ATP2C1: variants seen among roughly 807,000 people sequenced by gnomAD.
The protein encoded by ATP2C1 is calcium-transporting ATPase type 2C member 1.
In ATP2C1, 31 loss-of-function variants were observed where a neutral mutation model predicts 120.5. That is an observed-to-expected ratio of 0.26 (90% CI 0.19 to 0.35). The LOEUF (loss-of-function observed/expected upper bound fraction) is 0.35. ATP2C1 is among the 10% of genes least tolerant of loss of function. The probability of loss-of-function intolerance (pLI) is 1.00; values close to 1 mark genes in which losing one functional copy is unlikely to be tolerated. For missense variants in ATP2C1, 731 were observed against 1,107.5 expected, an observed-to-expected ratio of 0.66 and a Z score of 4.83; for synonymous variants, 351 against 358.7, an observed-to-expected ratio of 0.98 and a Z score of 0.24.
At chr3:130,949,606 A>G (rs1010813048) in intron 8 of ATP2C1, among the ~76,000 whole-genome samples, 9 of 152,118 alleles carry the variant, frequency 5.9e-5, no homozygotes, top group Non-Finnish European at 1.0e-4. Flanking sequence ...AACATTTTCA[A>G]TGTAGATGAA....
intron 16 of ATP2C1, among the ~76,000 whole-genome samples, chr3:130,968,754 G>A (rs909473095): frequency 6.6e-6 from 1 of 152,084 alleles, no homozygotes; most frequent in African/African-American, 2.4e-5. Context: ...TTGATATTTG[G>A]AAGATATTTT....
intron 17 of ATP2C1, among the ~76,000 whole-genome samples, chr3:130,970,407 C>CACACACACACACA (rs1559991359): frequency 3.4e-5 from 5 of 146,090 alleles, no homozygotes; most frequent in African/African-American, 1.3e-4. Context: ...CACACACACA[C>CACACACACACACA]CCTTAAACTT....
chr3:131,001,238 G>T lies in ATP2C1; in HGVS notation c.2648G>T (p.Gly883Val). 2.5e-6 allele frequency: 4 copies of T among 1,613,590 alleles called. No homozygotes were observed. The highest frequency in any genetic ancestry group is 3.4e-6 in the Non-Finnish European group (4 of 1,179,800). Residue 883 changes from glycine (G) to valine (V), a missense_variant, in exon 28 of 28, where the codon GGT becomes GTT. Coordinates refer to ENST00000510168, the MANE Select transcript of ATP2C1 (RefSeq NM_001378687.1). ...LSILDLLFLL[G>V]LTSSVCIVAE... is the part of the protein sequence containing the mutation. Reference sequence around the variant, plus strand: ...CTTGCAGATCTGTTGTTTCTTTTGGGTCTCACCTCATCAGTGTGCATAGTG... The same window carrying T: ...CTTGCAGATCTGTTGTTTCTTTTGGTTCTCACCTCATCAGTGTGCATAGTG...
intron 12 of ATP2C1, chr3:130,963,126 G>C (rs938841833): frequency 6.6e-6 from 1 of 151,954 alleles, no homozygotes; most frequent in African/African-American, 2.4e-5. Flanking sequence ...TATAAAAGGC[G>C]AGTGAAATAA....
chr3:130,933,171 G>T (rs1471533014), intron 4 of ATP2C1, among the ~76,000 whole-genome samples: 2 of 152,056 alleles, frequency 1.3e-5, no homozygotes, highest in African/African-American at 4.8e-5. Context: ...CTGCCCCTTG[G>T]GATTCCTGTG....
At chr3:130,858,530 G>A (rs1479675122) in intron 1 of ATP2C1, among the ~76,000 whole-genome samples, 2 of 152,116 alleles carry the variant, frequency 1.3e-5, no homozygotes, top group Non-Finnish European at 2.9e-5. Context: ...ACTGTCCTTT[G>A]CTGTATTTAT....
chr3:130,902,223 T>C (rs754894033), intron 2 of ATP2C1, among the ~76,000 whole-genome samples: 1 of 151,432 alleles, frequency 6.6e-6, no homozygotes, highest in East Asian at 1.9e-4. Flanking sequence ...CTTACCTTAC[T>C]TGATGAATAG....
chr3:130,998,413 A>G, intron 26 of ATP2C1, 24 bp downstream of exon 26: 2 of 1,468,916 alleles, frequency 1.4e-6, no homozygotes, highest in Non-Finnish European at 1.9e-6. Context: ...AACTTAGTTG[A>G]TTGACTTGAT....
intron 2 of ATP2C1, among the ~76,000 whole-genome samples, chr3:130,909,296 T>A (rs2058282643): frequency 6.6e-6 from 1 of 152,178 alleles, no homozygotes; most frequent in Admixed American, 6.5e-5. Context: ...CACCAACATC[T>A]CTCCTAGAAA....
intron 1 of ATP2C1, among the ~76,000 whole-genome samples, chr3:130,870,628 T>A (rs1031659402): frequency 6.6e-6 from 1 of 152,206 alleles, no homozygotes; most frequent in Non-Finnish European, 1.5e-5. Context: ...TGTTACTGAA[T>A]TGCTGCAATT....
upstream of ATP2C1, chr3:130,894,031 A>T: frequency 1.0e-6 from 1 of 986,408 alleles, no homozygotes; most frequent in Non-Finnish European, 1.2e-6. The surrounding 1 kb of genome is among the most constrained non-coding windows in gnomAD (Gnocchi z 4.5). Flanking sequence ...GCGGGGCGCG[A>T]CTGGGCGGCC....
Position 130,996,714 on chromosome 3 carries a change from A to C in ATP2C1, c.2161A>C (p.Thr721Pro), listed in dbSNP as rs1425027325. 1.9e-6 allele frequency: 3 copies of C among 1,611,804 alleles called. No homozygotes were observed. Among genetic ancestry groups the C allele is most frequent in the Non-Finnish European group, 1.7e-6 (2 of 1,178,036 alleles). ...IAALTLISLA[T>P]LMNFPNPLNA... ...AGCATTAACTTTAATCTCATTGGCT[A>C]CATTAATGAACTTTCCTAATCCTCT... Residue 721 changes from threonine to proline, a missense_variant, in exon 24 of 28, where the codon ACA (threonine) becomes CCA (proline). Physicochemically the swap from Thr to Pro is conservative, Grantham distance 38. Around this residue, in one of 3 missense-constraint regions of ATP2C1, gnomAD observed 19 missense variants for 60.0 expected, o/e 0.32. Transcript: ENST00000510168.
At chr3:130,864,507 T>C (rs1228673591) in intron 1 of ATP2C1, among the ~76,000 whole-genome samples, 1 of 152,170 alleles carries the variant, frequency 6.6e-6, no homozygotes, top group East Asian at 1.9e-4. Context: ...CTAATGATAA[T>C]CCCCAAGACC....
At chr3:130,946,745 T>C (rs1302420942) in intron 8 of ATP2C1, among the ~76,000 whole-genome samples, 1 of 152,208 alleles carries the variant, frequency 6.6e-6, no homozygotes, top group South Asian at 2.1e-4. Context: ...GGTATGCTTT[T>C]TCAAAAAAGA....
chr3:130,975,000 T>C (rs746990966), intron 17 of ATP2C1, among the ~76,000 whole-genome samples: 5 of 152,308 alleles, frequency 3.3e-5, no homozygotes, highest in Middle Eastern at 3.4e-3. Flanking sequence ...TAGTAGCTAA[T>C]AGAGAACTTG....
At chr3:131,014,412 G>T (rs369718268) in intron 26 of ATP2C1, 1 of 1,538,250 alleles carries the variant, frequency 6.5e-7, no homozygotes, top group East Asian at 2.3e-5. Flanking sequence ...AAAAAAGTAT[G>T]TTGTTAAAGA....
At chr3:130,972,318 C>T (rs1052265165) in intron 17 of ATP2C1, among the ~76,000 whole-genome samples, 2 of 152,072 alleles carry the variant, frequency 1.3e-5, no homozygotes, top group Admixed American at 1.3e-4. Context: ...TTGGGGAGCC[C>T]TGTCATAAGG....
chr3:130,959,236 T>C (rs1472469620), intron 11 of ATP2C1, 39 bp from the exon 12 acceptor site: 1 of 1,469,802 alleles, frequency 6.8e-7, no homozygotes, highest in East Asian at 2.3e-5. Context: ...TAGGTGATTG[T>C]ATGTAAAAGG....
At chr3:130,987,859 A>T (rs1396558087) in intron 20 of ATP2C1, among the ~76,000 whole-genome samples, 1 of 152,178 alleles carries the variant, frequency 6.6e-6, no homozygotes, top group Non-Finnish European at 1.5e-5. Context: ...ACTTTGACCT[A>T]GAGCCAGTTA....
Sources: allele counts gnomAD v4.1 joint callset (sites outside exome capture counted in the v4.1 genomes callset), GRCh38; gene constraint gnomAD v4.1.1; regional missense constraint gnomAD v4.1.1; non-coding constraint Gnocchi (gnomAD v3.1); transcripts MANE v1.5; gene names NCBI Gene and HGNC (gene_info 2026-07-23, HGNC 2026-07-21).